ULK1: variants seen among roughly 807,000 people sequenced by gnomAD.
ULK1 encodes serine/threonine-protein kinase ULK1.
A neutral mutation model predicts 117.5 loss-of-function variants in ULK1; 48 were observed. The observed-to-expected ratio is 0.41, with a 90% CI of 0.32 to 0.52. ULK1 has a LOEUF of 0.52. Among genes scored for constraint, ULK1 ranks in the 20% least tolerant of loss-of-function variants. The pLI is 0.29. For synonymous variants in ULK1, 790 were observed against 637.8 expected (o/e 1.24, Z -3.60); for missense variants, 1,387 against 1,473.4 (o/e 0.94, Z 0.96).
intron 3 of ULK1, among the ~76,000 whole-genome samples, chr12:131,905,069 G>T (rs1327948714): frequency 1.3e-5 from 2 of 152,154 alleles, no homozygotes; most frequent in Non-Finnish European, 2.9e-5. Context: ...GCTGAGGCCT[G>T]CCTCATGGAT....
chr12:131,913,143 G>GGTGGC, intron 13 of ULK1, 55 bp from the exon 14 acceptor site: 1 of 1,491,970 alleles, frequency 6.7e-7, no homozygotes, highest in Non-Finnish European at 8.9e-7. Context: ...GGTGGGGTGG[G>GGTGGC]GTGGCCCTGG....
chr12:131,921,701 T>C lies in ULK1; in HGVS notation c.*340T>C. 1 of 602,776 alleles carries C rather than the reference T, an allele frequency of 1.7e-6. No homozygotes were observed. Among genetic ancestry groups the C allele is most frequent in the Non-Finnish European group, 3.1e-6 (1 of 325,046 alleles). The allele number at this position is 602,776 out of a possible 1,614,324, so 37.3% of individuals were successfully genotyped here. A position where few individuals can be genotyped will look rare whatever the true frequency, so the allele number is the denominator to read the frequency against. Reference sequence around the variant, plus strand: ...GCAAGGGCCTGAGACCACTGCCGACTCAAAGCCAAAGCGAGCTCCTGCTTA... The same window carrying C: ...GCAAGGGCCTGAGACCACTGCCGACCCAAAGCCAAAGCGAGCTCCTGCTTA... On this transcript the variant is annotated 3_prime_UTR_variant, in exon 28 of 28. Transcript: ENST00000321867.
intron 5 of ULK1, 138 bp downstream of exon 5, chr12:131,907,669 C>A: frequency 8.9e-7 from 1 of 1,120,848 alleles, no homozygotes; most frequent in East Asian, 2.7e-5. Flanking sequence ...TTTCTTGTCC[C>A]CCTGGGCCTC....
At chr12:131,912,493 G>A (rs943165338) in intron 13 of ULK1, among the ~76,000 whole-genome samples, 3 of 152,204 alleles carry the variant, frequency 2.0e-5, no homozygotes, top group East Asian at 3.9e-4. Flanking sequence ...TAATGGCCAG[G>A]GGCTGCCCAC....
intron 19 of ULK1, 59 bp from the exon 20 acceptor site, chr12:131,916,339 A>C: frequency 2.0e-6 from 3 of 1,523,912 alleles, no homozygotes; most frequent in Non-Finnish European, 2.6e-6. Flanking sequence ...TTCCCCAGGC[A>C]CCGGGCCCCA....
rs200609495 is a variant in ULK1 at position 131,917,511 on chromosome 12, C to A, written c.2283C>A (p.Ser761Arg). Residue 761 changes from serine to arginine, a missense_variant, in exon 22 of 28, where the codon AGC becomes AGA. Ser to Arg is a moderately radical substitution (Grantham distance 110). This residue lies in a region of ULK1 where 900 missense variants were observed against 858.9 expected (regional missense o/e 1.05). Coordinates refer to ENST00000321867, the MANE Select transcript of ULK1 (RefSeq NM_003565.4). ...PVVFTVGSPP[S>R]GSTPPQGPRT... ...TCTTCACCGTGGGCTCTCCCCCGAGCGGGAGCACGCCCCCCCAGGGCCCCC... is the reference window on the plus strand; with the variant it reads ...TCTTCACCGTGGGCTCTCCCCCGAGAGGGAGCACGCCCCCCCAGGGCCCCC... The A allele has an allele frequency of 6.8e-7, 1 of 1,467,752 alleles. No homozygotes were observed. Among genetic ancestry groups the A allele is most frequent in the Non-Finnish European group, 9.0e-7 (1 of 1,107,246 alleles). 90.9% of individuals were successfully genotyped at this position (1,467,752 alleles called of 1,614,324 possible). A position where few individuals can be genotyped will look rare whatever the true frequency, so the allele number is the denominator to read the frequency against.
At position 131,922,301 on chromosome 12, in the gene ULK1, G is replaced by T; in HGVS notation, c.*940G>T. The T allele has an allele frequency of 3.0e-6, 1 of 336,926 alleles. No individual in the cohort carries two copies. The highest frequency in any genetic ancestry group is 2.3e-5 in the South Asian group (1 of 44,430). The allele number at this position is 336,926 out of a possible 1,614,324, so 20.9% of individuals were successfully genotyped here. A position where few individuals can be genotyped will look rare whatever the true frequency, so the allele number is the denominator to read the frequency against. The stretch of plus-strand genomic sequence containing the variant: ...GGGTGAGGCTGCTTTGCACACCTGT[G>T]TTGGTGGCTGTCCCCTGCCGCCCCT... On this transcript the variant is annotated 3_prime_UTR_variant, in exon 28 of 28. Coordinates refer to ENST00000321867, the MANE Select transcript of ULK1 (RefSeq NM_003565.4).
intron 3 of ULK1, 118 bp from the exon 4 acceptor site, chr12:131,906,774 G>A: frequency 7.7e-7 from 1 of 1,299,032 alleles, no homozygotes; most frequent in Non-Finnish European, 1.1e-6. Flanking sequence ...GCCGCTGGCT[G>A]ACCAGCTAAG....
rs1182131267 is a variant in ULK1 at position 131,918,986 on chromosome 12, G to A, written c.2512-226G>A. Among the ~76,000 whole-genome samples, 61 of 130,420 alleles carry A rather than the reference G, an allele frequency of 4.7e-4. No homozygotes were observed. The South Asian group carries it at 7.4e-3, about 16-fold the overall frequency. The allele number at this position is 130,420 out of a possible 152,430, so 85.6% of individuals were successfully genotyped here. A position where few individuals can be genotyped will look rare whatever the true frequency, so the allele number is the denominator to read the frequency against. On this transcript the variant is annotated intron_variant, in intron 23 of 27. Coordinates refer to ENST00000321867, the MANE Select transcript of ULK1 (RefSeq NM_003565.4). ...TGGGGTGCAGGGTGTGTGGGGTGTC[G>A]GGTGTGTGGGGTGCAGGGTGTGTGG...
At position 131,916,023 on chromosome 12, in the gene ULK1, T is replaced by A; in HGVS notation, c.1742T>A (p.Val581Glu). The A allele has an allele frequency of 6.2e-7, 1 of 1,611,476 alleles. No homozygotes were observed. The highest frequency in any genetic ancestry group is 8.5e-7 in the Non-Finnish European group (1 of 1,179,552). Reference sequence around the variant, plus strand: ...CCCCCCACGGACCCCCTGGGAGCTGTGTTCAGCCCACCACAGGCCAGCCCT... The same window carrying A: ...CCCCCCACGGACCCCCTGGGAGCTGAGTTCAGCCCACCACAGGCCAGCCCT... ...PKPPTDPLGA[V>E]FSPPQASPPQ... Residue 581 changes from valine to glutamate, a missense_variant, in exon 19 of 28, where the codon GTG (valine) becomes GAG (glutamate). This residue lies in a region of ULK1 where 900 missense variants were observed against 858.9 expected (regional missense o/e 1.05). Transcript: ENST00000321867.
In ULK1 at chr12:131,916,953, G is replaced by C. The variant is rs760383551; in HGVS notation, c.2073G>C (p.Arg691=). ...AGCACAGCCCTGCACACTCCCACAG[G>C]TCTTTCAGCACCAGCCGCCTCACTG... The part of the protein sequence containing the change: ...PGEDPKGPFG[R]SFSTSRLTDL... Residue 691 remains arginine, a splice_region_variant and synonymous_variant, in exon 21 of 28, where the codon CGG becomes CGC. Coordinates refer to ENST00000321867, the MANE Select transcript of ULK1 (RefSeq NM_003565.4). The C allele has an allele frequency of 6.2e-7, 1 of 1,610,228 alleles. No homozygotes were observed. Among genetic ancestry groups the C allele is most frequent in the Non-Finnish European group, 8.5e-7 (1 of 1,178,646 alleles).
chr12:131,911,850 TG>T, intron 12 of ULK1, 91 bp from the exon 13 acceptor site: 1 of 1,573,748 alleles, frequency 6.4e-7, no homozygotes. Context: ...CGATCTTTAC[TG>T]GGGCTCTGGG....
chr12:131,913,508 A>G (rs567821453), intron 14 of ULK1, among the ~76,000 whole-genome samples: 11 of 152,288 alleles, frequency 7.2e-5, no homozygotes, highest in Non-Finnish European at 1.5e-4. Flanking sequence ...ATCCTGGCCA[A>G]CATGGTGAAA....
Position 131,915,998 on chromosome 12 carries a change from C to T in ULK1, c.1717C>T (p.Pro573Ser), listed in dbSNP as rs750862562. ...CGTCGTCCGCCCCAAGCTGCCCAAA[C>T]CCCCCACGGACCCCCTGGGAGCTGT... ...LHVVRPKLPK[P>S]PTDPLGAVFS... Residue 573 changes from proline (P) to serine (S), a missense_variant, in exon 19 of 28, where the codon CCC (proline) becomes TCC (serine). Pro to Ser is a moderately conservative substitution (Grantham distance 74, BLOSUM62 -1). Coordinates refer to ENST00000321867, the MANE Select transcript of ULK1 (RefSeq NM_003565.4). The T allele has an allele frequency of 1.2e-6, 2 of 1,612,156 alleles. No homozygotes were observed. Among genetic ancestry groups the T allele is most frequent in the African/African-American group, 1.3e-5 (1 of 74,972 alleles).
chr12:131,894,974 C>G lies in ULK1; in HGVS notation c.-28C>G, dbSNP rs753348536. On this transcript the variant is annotated 5_prime_UTR_variant, in exon 1 of 28. Transcript: ENST00000321867. ...CCCCGCGCCTTGGCCCGCCACCCCCCGCCCCGCGCCCCCGGCCCGCCTGCG... is the reference window on the plus strand; with the variant it reads ...CCCCGCGCCTTGGCCCGCCACCCCCGGCCCCGCGCCCCCGGCCCGCCTGCG... The G allele has an allele frequency of 8.3e-7, 1 of 1,208,950 alleles. No homozygotes were observed. 74.9% of individuals were successfully genotyped at this position (1,208,950 alleles called of 1,614,324 possible).
chr12:131,914,412 G>A lies in ULK1; in HGVS notation c.1308G>A (p.Thr436=), dbSNP rs201274596. Residue 436 remains threonine (T), a synonymous_variant, in exon 16 of 28, where the codon ACG becomes ACA. Transcript: ENST00000321867. ...CCTCTGTCCCCATCCCAGTCCCCAC[G>A]CAGGTGCAGAACTACCAGCGCATTG... ...CGASVPIPVP[T]QVQNYQRIER... is the part of the protein sequence containing the mutation. 3.5e-5 allele frequency: 56 copies of A among 1,612,692 alleles called. No homozygotes were observed. The highest frequency in any genetic ancestry group is 2.0e-4 in the South Asian group (18 of 91,090).
intron 25 of ULK1, 82 bp from the exon 26 acceptor site, chr12:131,919,897 C>T: frequency 1.3e-6 from 2 of 1,542,714 alleles, no homozygotes; most frequent in Non-Finnish European, 1.8e-6. Flanking sequence ...CGTGCTCGCT[C>T]AGTGCACCGG....
intron 23 of ULK1, 116 bp from the exon 24 acceptor site, chr12:131,919,096 C>A: frequency 8.2e-7 from 1 of 1,223,024 alleles, no homozygotes; most frequent in Non-Finnish European, 1.1e-6. Flanking sequence ...GCCCGGGCTG[C>A]AGCAGGGGAG....
intron 1 of ULK1, 120 bp from the exon 2 acceptor site, chr12:131,895,481 G>GC: frequency 6.1e-6 from 5 of 822,844 alleles, no homozygotes; most frequent in Non-Finnish European, 9.6e-6. Context: ...TCCCCACTCG[G>GC]CCTTCCAGTC....
Sources: gnomAD v4.1 joint callset for allele counts (sites outside exome capture counted in the v4.1 genomes callset) on GRCh38, gnomAD v4.1.1 for gene constraint, gnomAD v4.1.1 regional missense constraint, MANE v1.5 for transcripts, NCBI Gene and HGNC (gene_info 2026-07-23, HGNC 2026-07-21) for gene names.